The following RADIL variants were observed in gnomAD, a reference collection of about 807,000 sequenced individuals.
RADIL encodes Rap associating with DIL domain, also known as ras-associating and dilute domain-containing protein.
RADIL carries 99 observed loss-of-function variants against 97.6 expected under a neutral mutation model. The observed-to-expected ratio is 1.01, with a 90% CI of 0.86 to 1.20. RADIL has a LOEUF of 1.20. Among genes scored for constraint, RADIL ranks in the 50% most tolerant of loss-of-function variants. The pLI is 0.00. For missense variants in RADIL, 1,765 were observed against 1,498.9 expected (o/e 1.18, Z -2.93); for synonymous variants, 803 against 691.8 (o/e 1.16, Z -2.52).
intron 2 of RADIL, among the ~76,000 whole-genome samples, chr7:4,863,434 G>C (rs1209378223): frequency 6.6e-6 from 1 of 152,156 alleles, no homozygotes; most frequent in Non-Finnish European, 1.5e-5. Flanking sequence ...TGTAATTTTG[G>C]ATTGTGAGCT....
intron 2 of RADIL, among the ~76,000 whole-genome samples, chr7:4,863,595 A>T (rs1456994953): frequency 6.6e-6 from 1 of 152,202 alleles, no homozygotes; most frequent in East Asian, 1.9e-4. Context: ...AGATGGTGCA[A>T]CTTTGAACCC....
rs1782684802 is a variant in RADIL at position 4,816,574 on chromosome 7, CG to C, written c.1729-110del. The C allele has an allele frequency of 1.9e-5, 16 of 855,606 alleles. 1 individual carries two copies. The South Asian group carries it at 2.4e-4, about 13-fold the overall frequency. The allele number at this position is 855,606 out of a possible 1,614,324, so 53.0% of individuals were successfully genotyped here. Reference sequence around the variant, plus strand: ...CACCCACGCACTGCTTGCAGGGACCCGGCCTCGGTAGCTTCCTGCTGGACAG... The same window carrying C: ...CACCCACGCACTGCTTGCAGGGACCCGCCTCGGTAGCTTCCTGCTGGACAG... On this transcript the variant is annotated intron_variant, in intron 7 of 14. Coordinates refer to ENST00000399583, the MANE Select transcript of RADIL (RefSeq NM_018059.5).
rs1441995416 is a variant in RADIL at position 4,822,849 on chromosome 7, G to A, written c.1455-295C>T. Among the ~76,000 whole-genome samples, 1 of 152,146 alleles carries A rather than the reference G, an allele frequency of 6.6e-6. No individual in the cohort carries two copies. The highest frequency in any genetic ancestry group is 1.5e-5 in the Non-Finnish European group (1 of 68,008). The stretch of plus-strand genomic sequence containing the variant: ...GCTTGCATGTCTTCTCTTTTGGAAT[G>A]AGATCATAAAGTGGCTGTGAATGCT... On this transcript the variant is annotated intron_variant, in intron 5 of 14. Coordinates refer to ENST00000399583, the MANE Select transcript of RADIL (RefSeq NM_018059.5). This position sits in a 1 kb window ranked among gnomAD's most constrained non-coding sequence, Gnocchi z 5.3.
At chr7:4,825,883 GAAAAAA>G (rs540147941) in intron 5 of RADIL, among the ~76,000 whole-genome samples, 11,777 of 50,446 alleles carry the variant, frequency 0.23, 1,383 homozygotes, top group African/African-American at 0.47. Context: ...CTCCGTCTCA[GAAAAAA>G]AAAAAAAAAA....
intron 7 of RADIL, 138 bp from the exon 8 acceptor site, chr7:4,816,603 C>G: frequency 2.9e-6 from 2 of 688,870 alleles, no homozygotes; most frequent in Non-Finnish European, 5.0e-6. Flanking sequence ...CTGGACAGGC[C>G]ATGGCTTTGC....
intron 2 of RADIL, among the ~76,000 whole-genome samples, chr7:4,871,992 T>C (rs946250223): frequency 6.6e-6 from 1 of 152,082 alleles, no homozygotes. Context: ...CAGGAACGCA[T>C]GAATGCCAAG....
chr7:4,872,153 C>T lies in RADIL; in HGVS notation c.535+5452G>A, dbSNP rs1284225063. Reference sequence around the variant, plus strand: ...CATATGGTCCCAGTGGGCAGGGGCTCGTGTGGCCGAGTCCAGGCAGCCAGG... The same window carrying T: ...CATATGGTCCCAGTGGGCAGGGGCTTGTGTGGCCGAGTCCAGGCAGCCAGG... On this transcript the variant is annotated intron_variant, in intron 2 of 14. Transcript: ENST00000399583. This position sits in a 1 kb window ranked among gnomAD's most constrained non-coding sequence, Gnocchi z 5.8. Among the ~76,000 whole-genome samples, 2 of 152,100 alleles carry T rather than the reference C, an allele frequency of 1.3e-5. No homozygotes were observed. The highest frequency in any genetic ancestry group is 1.9e-4 in the East Asian group (1 of 5,170).
Position 4,883,270 on chromosome 7 carries a change from T to TG in RADIL, c.-65+325dup. Among the ~76,000 whole-genome samples the TG allele has an allele frequency of 6.7e-6, 1 of 150,096 alleles. No homozygotes were observed. Among genetic ancestry groups the TG allele is most frequent in the Non-Finnish European group, 1.5e-5 (1 of 67,788 alleles). On this transcript the variant is annotated intron_variant, in intron 1 of 14. Coordinates refer to ENST00000399583, the MANE Select transcript of RADIL (RefSeq NM_018059.5). The surrounding 1 kb of genome is among the most constrained non-coding windows in gnomAD (Gnocchi z 7.1). ...CTGAGGGCCGAGAGTCCCCTGGAGT[T>TG]GGGGGTCCGGGGCCCACGCGGACAG...
At position 4,883,109 on chromosome 7, in the gene RADIL, G is replaced by A. The variant is rs1285816766; in HGVS notation, c.-65+487C>T. Among the ~76,000 whole-genome samples, 4 of 152,354 alleles carry A rather than the reference G, an allele frequency of 2.6e-5. No homozygotes were observed. The East Asian group carries it at 7.7e-4, about 29-fold the overall frequency. On this transcript the variant is annotated intron_variant, in intron 1 of 14. Coordinates refer to ENST00000399583, the MANE Select transcript of RADIL (RefSeq NM_018059.5). This position sits in a 1 kb window ranked among gnomAD's most constrained non-coding sequence, Gnocchi z 7.1. ...GTGGGGATCGGGCTGCAACCGGGAC[G>A]GGGTATGTGCAGGGGACGTCTCGCC...
rs374124151 is a variant in RADIL, at chr7:4,800,147, C to T, written c.2982+24G>A. The T allele has an allele frequency of 1.5e-3, 2,368 of 1,570,408 alleles. 5 individuals carry two copies. The highest frequency in any genetic ancestry group is 1.9e-3 in the Non-Finnish European group (2,197 of 1,156,192). ...GGGCCAGGCAGCCAGTATGGGGGTG[C>T]GGCGAGGGTCCTGGGCCACTCACCA... On this transcript the variant is annotated intron_variant, in intron 13 of 14. Coordinates refer to ENST00000399583, the MANE Select transcript of RADIL (RefSeq NM_018059.5).
chr7:4,875,943 G>A (rs1784368017), intron 2 of RADIL, among the ~76,000 whole-genome samples: 1 of 152,092 alleles, frequency 6.6e-6, no homozygotes, highest in African/African-American at 2.4e-5. Context: ...GGCAATTGGG[G>A]GTGCTTGTCT....
In RADIL at chr7:4,837,216, C is replaced by T. The variant is rs1038158971; in HGVS notation, c.536-611G>A. Among the ~76,000 whole-genome samples the T allele has an allele frequency of 6.6e-6, 1 of 152,160 alleles. No homozygotes were observed. Among genetic ancestry groups the T allele is most frequent in the East Asian group, 1.9e-4 (1 of 5,188 alleles). On this transcript the variant is annotated intron_variant, in intron 2 of 14. Coordinates refer to ENST00000399583, the MANE Select transcript of RADIL (RefSeq NM_018059.5). This position sits in a 1 kb window ranked among gnomAD's most constrained non-coding sequence, Gnocchi z 5.6. ...CCCCTGCAGCAGCCCAGGGTCACAC[C>T]GCGGCCTGCCCGACCAGCCAGCACC...
chr7:4,802,715 A>G (rs1472021965), intron 11 of RADIL, among the ~76,000 whole-genome samples: 755 of 39,200 alleles, frequency 0.019, 16 homozygotes, highest in African/African-American at 0.048. Context: ...TCCCCTCCCC[A>G]GGCACCTCGG....
intron 9 of RADIL, 38 bp from the exon 10 acceptor site, chr7:4,805,754 G>T (rs762887610): frequency 1.3e-6 from 2 of 1,590,894 alleles, no homozygotes; most frequent in East Asian, 2.2e-5. Context: ...ACAGGTCTCT[G>T]GGTGCAGACC....
Position 4,817,807 on chromosome 7 carries a change from CA to C in RADIL, c.1616-457del, listed in dbSNP as rs1782717575. Among the ~76,000 whole-genome samples, 2 of 152,306 alleles carry C rather than the reference CA, an allele frequency of 1.3e-5. No individual in the cohort carries two copies. Among genetic ancestry groups the C allele is most frequent in the South Asian group, 4.1e-4 (2 of 4,826 alleles). ...ATAAGTCTTTTGGGAAGAAAAAGCC[CA>C]AATCAGCTATTTCACCCCCACCCCC... is the stretch of plus-strand genomic sequence containing the variant. On this transcript the variant is annotated intron_variant, in intron 6 of 14. Transcript: ENST00000399583. This position sits in a 1 kb window ranked among gnomAD's most constrained non-coding sequence, Gnocchi z 8.3.
rs1262931293 is a variant in RADIL, at chr7:4,835,462, A to C, written c.784-223T>G. On this transcript the variant is annotated intron_variant, in intron 3 of 14. Coordinates refer to ENST00000399583, the MANE Select transcript of RADIL (RefSeq NM_018059.5). The surrounding 1 kb of genome is among the most constrained non-coding windows in gnomAD (Gnocchi z 5.8). ...GGAGGTCGGTTTCCCGGAGGAGCAC[A>C]CGAGAGACCCAGGAGACACCCAGCT... 6.6e-6 allele frequency among the ~76,000 whole-genome samples: 1 copy of C among 152,060 alleles called. No homozygotes were observed. Among genetic ancestry groups the C allele is most frequent in the Non-Finnish European group, 1.5e-5 (1 of 67,992 alleles).
intron 2 of RADIL, among the ~76,000 whole-genome samples, chr7:4,877,205 G>A (rs1784394398): frequency 6.6e-6 from 1 of 152,342 alleles, no homozygotes; most frequent in African/African-American, 2.4e-5. Flanking sequence ...ACCTTTGGGA[G>A]GCCAAAGTAG....
At chr7:4,833,966 G>A (rs924434428) in intron 4 of RADIL, among the ~76,000 whole-genome samples, 28 of 152,274 alleles carry the variant, frequency 1.8e-4, no homozygotes, top group Non-Finnish European at 3.8e-4. Flanking sequence ...ATCTAGGGGT[G>A]GAGGCCGGGG....
chr7:4,865,146 G>A (rs1784101780), intron 2 of RADIL, among the ~76,000 whole-genome samples: 1 of 152,200 alleles, frequency 6.6e-6, no homozygotes, highest in South Asian at 2.1e-4. Flanking sequence ...TGGTTGGTGT[G>A]TTGTCATCTT....
Sources: allele counts gnomAD v4.1 joint callset (sites outside exome capture counted in the v4.1 genomes callset), GRCh38; gene constraint gnomAD v4.1.1; non-coding constraint Gnocchi (gnomAD v3.1); transcripts MANE v1.5; gene names NCBI Gene and HGNC (gene_info 2026-07-23, HGNC 2026-07-21).